SLC4A7: variants seen among roughly 807,000 people sequenced by gnomAD.
SLC4A7 encodes the protein sodium bicarbonate cotransporter 3.
Under a neutral mutation model 137.6 loss-of-function variants are expected in SLC4A7, and 51 were observed. The observed-to-expected ratio is 0.37, with a 90% CI of 0.30 to 0.47. The LOEUF (loss-of-function observed/expected upper bound fraction) is 0.47, where lower values mean the gene tolerates loss of function less well. SLC4A7 is among the 20% of genes least tolerant of loss of function. SLC4A7 has a pLI of 1.00. For missense variants in SLC4A7, 1,247 were observed against 1,525.4 expected (o/e 0.82, Z 3.04); for synonymous variants, 542 against 518.6 (o/e 1.05, Z -0.61).
Position 27,427,444 on chromosome 3 carries a change from G to A in SLC4A7, c.1151-3292C>T, listed in dbSNP as rs1047725177. ...CATGAGCTACCATGCCCAGCCACAA[G>A]TTTTATACATATTAATTTATACAAT... On this transcript the variant is annotated intron_variant, in intron 7 of 25. Transcript: ENST00000454389. 5.9e-5 allele frequency among the ~76,000 whole-genome samples: 9 copies of A among 151,890 alleles called. No individual in the cohort carries two copies. In the South Asian group the frequency reaches 1.2e-3, roughly 21 times the overall value.
chr3:27,400,928 C>T, intron 15 of SLC4A7, 59 bp from the exon 16 acceptor site: 1 of 953,712 alleles, frequency 1.0e-6, no homozygotes, highest in South Asian at 1.4e-5. Flanking sequence ...TTACATTTTA[C>T]TAAATCAATT....
chr3:27,431,276 A>T, intron 7 of SLC4A7, 22 bp downstream of exon 7: 1 of 1,549,500 alleles, frequency 6.5e-7, no homozygotes, highest in Non-Finnish European at 8.7e-7. Context: ...AGCACCACAC[A>T]TGGAGGATTT....
rs529670877 is a variant in SLC4A7, at chr3:27,399,501, C to A, written c.2428-1148G>T. 3.5e-3 allele frequency among the ~76,000 whole-genome samples: 540 copies of A among 152,182 alleles called. 3 individuals carry two copies. Among genetic ancestry groups the A allele is most frequent in the African/African-American group, 0.012 (505 of 41,512 alleles). On this transcript the variant is annotated intron_variant, in intron 16 of 25. Coordinates refer to ENST00000454389, the MANE Select transcript of SLC4A7 (RefSeq NM_001321103.2). Reference sequence around the variant, plus strand: ...CCAGGCTGGTGAGCAGTGATGCTATCACAGCTCACTGTAATCTCCAACTCC... The same window carrying A: ...CCAGGCTGGTGAGCAGTGATGCTATAACAGCTCACTGTAATCTCCAACTCC...
chr3:27,425,037 A>T (rs2055411844), intron 7 of SLC4A7, among the ~76,000 whole-genome samples: 1 of 152,230 alleles, frequency 6.6e-6, no homozygotes, highest in Non-Finnish European at 1.5e-5. Flanking sequence ...AATCATTAAC[A>T]CTATGAATTC....
intron 3 of SLC4A7, among the ~76,000 whole-genome samples, chr3:27,437,877 A>G (rs2056862190): frequency 6.6e-6 from 1 of 152,204 alleles, no homozygotes; most frequent in African/African-American, 2.4e-5. Context: ...CCAAAACTAC[A>G]TGGAAAAGTT....
chr3:27,397,797 C>T lies in SLC4A7; in HGVS notation c.2590G>A (p.Val864Met). The T allele has an allele frequency of 3.2e-6, 5 of 1,554,698 alleles. No homozygotes were observed. The highest frequency in any genetic ancestry group is 4.4e-6 in the Non-Finnish European group (5 of 1,129,424). ...GCAAAATCACTGATTGTCGATCGCA[C>T]CTATGTTAAAGGGATTATGTTAATA... is the stretch of plus-strand genomic sequence containing the variant. ...FKTKRYFPTK[V>M]RSTISDFAVF... Residue 864 changes from valine to methionine, a missense_variant and splice_region_variant, in exon 18 of 26, where the codon GTG becomes ATG. Coordinates refer to ENST00000454389, the MANE Select transcript of SLC4A7 (RefSeq NM_001321103.2).
intron 21 of SLC4A7, among the ~76,000 whole-genome samples, chr3:27,391,343 C>T (rs527670134): frequency 1.3e-5 from 2 of 152,134 alleles, no homozygotes; most frequent in African/African-American, 4.8e-5. Flanking sequence ...GATGTATATG[C>T]TAGGCTTCAT....
At chr3:27,395,634 A>G (rs2052074444) in intron 18 of SLC4A7, among the ~76,000 whole-genome samples, 1 of 152,200 alleles carries the variant, frequency 6.6e-6, no homozygotes. Flanking sequence ...CCTCAGACAT[A>G]TGAATGAAGG....
At chr3:27,443,125 G>A (rs762650235) in intron 3 of SLC4A7, among the ~76,000 whole-genome samples, 7 of 132,748 alleles carry the variant, frequency 5.3e-5, no homozygotes, top group East Asian at 2.6e-4. Flanking sequence ...TCTGCCTCCC[G>A]CATTCAAGCA....
intron 1 of SLC4A7, among the ~76,000 whole-genome samples, chr3:27,471,502 A>T (rs2059244980): frequency 6.6e-6 from 1 of 152,104 alleles, no homozygotes; most frequent in Non-Finnish European, 1.5e-5. Flanking sequence ...CCTCCCAGGT[A>T]GCTGGGATCA....
chr3:27,484,110 GC>G lies in SLC4A7; in HGVS notation c.16del (p.Ala6ProfsTer5). The G allele has an allele frequency of 7.2e-7, 1 of 1,393,566 alleles. No homozygotes were observed. Among genetic ancestry groups the G allele is most frequent in the Non-Finnish European group, 9.4e-7 (1 of 1,068,672 alleles). The allele number at this position is 1,393,566 out of a possible 1,614,324, so 86.3% of individuals were successfully genotyped here. A position where few individuals can be genotyped will look rare whatever the true frequency, so the allele number is the denominator to read the frequency against. Reference sequence around the variant, plus strand: ...GAGTAGCGGTCTCATCTGCTCGCCGGCCCCATCAGCCTCCATGGCCGGCCGG... The same window carrying G: ...GAGTAGCGGTCTCATCTGCTCGCCGGCCCATCAGCCTCCATGGCCGGCCGG... MEADG[A>X]GEQMRPLLTR... On this transcript the variant is annotated frameshift_variant, in exon 1 of 26. Transcript: ENST00000454389. LOFTEE classifies it high-confidence loss of function.
At chr3:27,467,922 A>G (rs1028992695) in intron 1 of SLC4A7, among the ~76,000 whole-genome samples, 3 of 152,246 alleles carry the variant, frequency 2.0e-5, no homozygotes, top group African/African-American at 7.2e-5. Context: ...ATCAAGGCAA[A>G]GTACTATTAA....
At chr3:27,391,631 C>A (rs1460187159) in intron 21 of SLC4A7, 109 bp downstream of exon 21, 3 of 666,178 alleles carry the variant, frequency 4.5e-6, no homozygotes, top group Non-Finnish European at 7.9e-6. Context: ...AACTAACCTC[C>A]CCTCAAAATG....
intron 4 of SLC4A7, 65 bp from the exon 5 acceptor site, chr3:27,436,613 G>A: frequency 2.9e-5 from 26 of 901,260 alleles, no homozygotes; most frequent in South Asian, 1.4e-4. Flanking sequence ...ATCTTAATGT[G>A]ATAAAGAAAC....
In SLC4A7 at chr3:27,380,314, TAAA is replaced by T. The variant is rs60223718; in HGVS notation, c.3591-961_3591-959del. Among the ~76,000 whole-genome samples, 494 of 136,298 alleles carry T rather than the reference TAAA, an allele frequency of 3.6e-3. 1 individual carries two copies. Among genetic ancestry groups the T allele is most frequent in the Admixed American group, 3.8e-3 (52 of 13,594 alleles). 89.4% of individuals were successfully genotyped at this position (136,298 alleles called of 152,430 possible). A position where few individuals can be genotyped will look rare whatever the true frequency, so the allele number is the denominator to read the frequency against. On this transcript the variant is annotated intron_variant, in intron 24 of 25. Coordinates refer to ENST00000454389, the MANE Select transcript of SLC4A7 (RefSeq NM_001321103.2). Reference sequence around the variant, plus strand: ...AGAGCAAGACTCCATCTCCAGAATTTAAAAAAAAAAAAAAAAAAAGAGTACTAT... The same window carrying T: ...AGAGCAAGACTCCATCTCCAGAATTTAAAAAAAAAAAAAAAAGAGTACTAT...
intron 1 of SLC4A7, among the ~76,000 whole-genome samples, chr3:27,480,761 T>C (rs1407717207): frequency 1.3e-5 from 2 of 152,182 alleles, no homozygotes; most frequent in Admixed American, 6.5e-5. Context: ...CATACTGGGT[T>C]GTCCGGGTCT....
chr3:27,436,262 A>G (rs1051530934), intron 5 of SLC4A7, 126 bp downstream of exon 5: 1 of 614,170 alleles, frequency 1.6e-6, no homozygotes, highest in African/African-American at 1.9e-5. Flanking sequence ...TTTATCAAAG[A>G]CAAAAATTCT....
chr3:27,463,209 C>T (rs1366995450), intron 1 of SLC4A7, among the ~76,000 whole-genome samples: 2 of 152,178 alleles, frequency 1.3e-5, no homozygotes, highest in African/African-American at 4.8e-5. Flanking sequence ...GGGCGGATGA[C>T]GAGGTCAGGA....
chr3:27,464,605 A>G (rs2058874841), intron 1 of SLC4A7, among the ~76,000 whole-genome samples: 1 of 151,846 alleles, frequency 6.6e-6, no homozygotes, highest in Admixed American at 6.6e-5. Flanking sequence ...AGGCAGGAGA[A>G]CTGCTTGAAC....
Sources: gnomAD v4.1 joint callset for allele counts (sites outside exome capture counted in the v4.1 genomes callset) on GRCh38, gnomAD v4.1.1 for gene constraint, MANE v1.5 for transcripts, NCBI Gene and HGNC (gene_info 2026-07-23, HGNC 2026-07-21) for gene names.